The following CDH8 variants were observed in gnomAD, a reference collection of about 807,000 sequenced individuals.
The protein encoded by CDH8 is cadherin-8.
A neutral mutation model predicts 68.1 loss-of-function variants in CDH8; 17 were observed. The observed-to-expected ratio is 0.25, with a 90% confidence interval of 0.17 to 0.37. The LOEUF (loss-of-function observed/expected upper bound fraction) is 0.37. CDH8 is among the 10% of genes least tolerant of loss of function. The pLI is 1.00. For synonymous variants in CDH8, 372 were observed against 365.1 expected, an observed-to-expected ratio of 1.02 and a Z score of -0.21; for missense variants, 763 against 999.3, an observed-to-expected ratio of 0.76 and a Z score of 3.19.
At chr16:61,986,527 A>C (rs1965632233) in intron 2 of CDH8, among the ~76,000 whole-genome samples, 1 of 152,196 alleles carries the variant, frequency 6.6e-6, no homozygotes, top group South Asian at 2.1e-4. Flanking sequence ...CAAGAAAGGA[A>C]GAATGCGCAC....
At chr16:61,659,995 A>G (rs1247438389) in intron 10 of CDH8, among the ~76,000 whole-genome samples, 1 of 152,184 alleles carries the variant, frequency 6.6e-6, no homozygotes, top group Non-Finnish European at 1.5e-5. Context: ...TGGTCAGGGG[A>G]AAAGGCAATC....
intron 2 of CDH8, among the ~76,000 whole-genome samples, chr16:61,953,895 TTATATATA>T (rs66743095): frequency 0.08 from 9,489 of 118,812 alleles, 453 homozygotes; most frequent in East Asian, 0.14. Context: ...AAAAAAAACT[TTATATATA>T]TATATATATA....
At chr16:61,974,424 G>A (rs560401572) in intron 2 of CDH8, among the ~76,000 whole-genome samples, 4 of 152,110 alleles carry the variant, frequency 2.6e-5, no homozygotes, top group Non-Finnish European at 5.9e-5. Context: ...GGTGCAGCTG[G>A]CTCACATAAA....
intron 2 of CDH8, among the ~76,000 whole-genome samples, chr16:61,978,206 A>G (rs942124586): frequency 2.0e-5 from 3 of 152,182 alleles, no homozygotes; most frequent in Admixed American, 1.3e-4. Context: ...TAGTAGCCTC[A>G]CAGTGCTGAA....
At chr16:61,753,882 TAAA>T (rs1035334350) in intron 8 of CDH8, among the ~76,000 whole-genome samples, 1 of 152,060 alleles carries the variant, frequency 6.6e-6, no homozygotes, top group Admixed American at 6.6e-5. Context: ...AAAACAATAA[TAAA>T]AACAGTAGGA....
intron 3 of CDH8, among the ~76,000 whole-genome samples, chr16:61,877,421 A>T (rs1362764761): frequency 6.6e-6 from 1 of 152,194 alleles, no homozygotes; most frequent in African/African-American, 2.4e-5. Flanking sequence ...TTGCCAAGAT[A>T]ATACAAGATT....
Position 61,919,070 on chromosome 16 carries a change from G to A in CDH8, c.253-17597C>T, listed in dbSNP as rs1045417840. Among the ~76,000 whole-genome samples the A allele has an allele frequency of 8.9e-5, 13 of 146,214 alleles. 1 individual carries two copies. The highest frequency in any genetic ancestry group is 4.5e-4 in the South Asian group (2 of 4,436). On this transcript the variant is annotated intron_variant, in intron 2 of 11. Coordinates refer to ENST00000577390, the MANE Select transcript of CDH8 (RefSeq NM_001796.5). ...GCAGGGGCATACTGACACCTCACAC[G>A]GCAGGGTATTCCAACAGACCTGCAG...
At chr16:61,990,443 TG>T (rs774205888) in intron 2 of CDH8, among the ~76,000 whole-genome samples, 1 of 151,252 alleles carries the variant, frequency 6.6e-6, no homozygotes, top group Non-Finnish European at 1.5e-5. Flanking sequence ...GCCTCTGCCT[TG>T]GCCTCCCAAA....
chr16:61,914,217 G>A lies in CDH8; in HGVS notation c.253-12744C>T, dbSNP rs1018739901. 3.3e-5 allele frequency among the ~76,000 whole-genome samples: 5 copies of A among 152,256 alleles called. No individual in the cohort carries two copies. In the South Asian group the frequency reaches 6.2e-4, roughly 19 times the overall value. On this transcript the variant is annotated intron_variant, in intron 2 of 11. Transcript: ENST00000577390. ...TTGGACTTCTAGCCTCCAGCACCAC[G>A]AGAAAATAAATTTCTGTTGCTTAAG...
intron 10 of CDH8, among the ~76,000 whole-genome samples, chr16:61,677,768 C>T (rs1963942256): frequency 1.3e-5 from 2 of 152,032 alleles, no homozygotes; most frequent in South Asian, 4.1e-4. Flanking sequence ...CTACAAGCCC[C>T]CTAACCACCT....
intron 2 of CDH8, among the ~76,000 whole-genome samples, chr16:61,994,130 TCTA>T (rs1267389120): frequency 6.6e-6 from 1 of 152,184 alleles, no homozygotes; most frequent in African/African-American, 2.4e-5. Context: ...TATTACATGT[TCTA>T]CTGCTGCTGA....
In CDH8 at chr16:61,825,082, G is replaced by A. The variant is rs1164170214; in HGVS notation, c.765C>T (p.Gly255=). Residue 255 remains glycine, a synonymous_variant, in exon 5 of 12, where the codon GGC becomes GGT. Coordinates refer to ENST00000577390, the MANE Select transcript of CDH8 (RefSeq NM_001796.5). ...QAKDMGGHSG[G]LSGTTTLTVT... ...CTGTAAGTGTCGTGGTCCCAGACAG[G>A]CCACCAGAGTGTCCACCCATATCTT... is the stretch of plus-strand genomic sequence containing the variant. 1.2e-6 allele frequency: 2 copies of A among 1,611,892 alleles called. No homozygotes were observed. Among genetic ancestry groups the A allele is most frequent in the Admixed American group, 1.7e-5 (1 of 59,776 alleles).
intron 2 of CDH8, among the ~76,000 whole-genome samples, chr16:61,950,205 C>A (rs1030834264): frequency 1.3e-5 from 2 of 152,140 alleles, no homozygotes; most frequent in African/African-American, 4.8e-5. Flanking sequence ...GGTTGTAATA[C>A]AGAAGGCAAG....
chr16:62,006,114 C>T (rs866769318), intron 2 of CDH8, among the ~76,000 whole-genome samples: 3 of 152,178 alleles, frequency 2.0e-5, no homozygotes, highest in African/African-American at 2.4e-5. Flanking sequence ...AGAGAAAACA[C>T]AAGACAAGGT....
chr16:61,816,359 A>G (rs1305425150), intron 7 of CDH8, among the ~76,000 whole-genome samples: 1 of 152,184 alleles, frequency 6.6e-6, no homozygotes, highest in Non-Finnish European at 1.5e-5. Context: ...GGAATTTAAT[A>G]CATTTTTTAA....
intron 10 of CDH8, among the ~76,000 whole-genome samples, chr16:61,657,511 AG>A (rs1471033297): frequency 1.3e-5 from 2 of 152,152 alleles, no homozygotes; most frequent in Admixed American, 1.3e-4. Flanking sequence ...CAAATGATCC[AG>A]TAATCTTTAT....
chr16:61,972,245 C>T (rs571053303), intron 2 of CDH8, among the ~76,000 whole-genome samples: 21 of 152,220 alleles, frequency 1.4e-4, no homozygotes, highest in African/African-American at 4.8e-4. Context: ...TGAGGCCTCC[C>T]GAGAAATGTG....
chr16:61,877,660 TAGAC>T (rs953678149), intron 3 of CDH8, among the ~76,000 whole-genome samples: 3 of 152,184 alleles, frequency 2.0e-5, no homozygotes, highest in Non-Finnish European at 2.9e-5. Context: ...CTTTCCAACT[TAGAC>T]AGTATATGTC....
At chr16:61,659,440 A>G (rs1596838713) in intron 10 of CDH8, among the ~76,000 whole-genome samples, 1 of 152,184 alleles carries the variant, frequency 6.6e-6, no homozygotes, top group African/African-American at 2.4e-5. Context: ...TTTCTGGGGG[A>G]AAGGTGGGAC....
Sources: gnomAD v4.1 joint callset for allele counts (sites outside exome capture counted in the v4.1 genomes callset) on GRCh38, gnomAD v4.1.1 for gene constraint, MANE v1.5 for transcripts, NCBI Gene and HGNC (gene_info 2026-07-23, HGNC 2026-07-21) for gene names.